Variants in TTBK2 observed in about 807,000 individuals in gnomAD.
TTBK2 encodes tau tubulin kinase 2.
In TTBK2, 28 loss-of-function variants were observed where a neutral mutation model predicts 110.8. That is an observed-to-expected ratio of 0.25 (90% CI 0.19 to 0.35). The LOEUF (loss-of-function observed/expected upper bound fraction) is 0.35, where lower values mean the gene tolerates loss of function less well. Among genes scored for constraint, TTBK2 ranks in the 10% least tolerant of loss-of-function variants. The pLI is 1.00. For synonymous variants in TTBK2, 532 were observed against 527.3 expected (o/e 1.01, Z -0.12); for missense variants, 1,369 against 1,500.3 (o/e 0.91, Z 1.45).
chr15:42,876,129 C>T (rs766031295), intron 2 of TTBK2, among the ~76,000 whole-genome samples: 1 of 152,056 alleles, frequency 6.6e-6, no homozygotes, highest in Non-Finnish European at 1.5e-5. Flanking sequence ...ATCACCCAGG[C>T]AAACTCTTCC....
At chr15:42,875,068 A>C (rs938216934) in intron 2 of TTBK2, among the ~76,000 whole-genome samples, 1 of 152,160 alleles carries the variant, frequency 6.6e-6, no homozygotes, top group Non-Finnish European at 1.5e-5. Flanking sequence ...ACTCATAAAC[A>C]GTACCAAACA....
intron 6 of TTBK2, among the ~76,000 whole-genome samples, chr15:42,824,064 CT>C: frequency 6.6e-6 from 1 of 152,196 alleles, no homozygotes; most frequent in Non-Finnish European, 1.5e-5. Context: ...AGGTGCCAGG[CT>C]CTTTTTAACA....
At chr15:42,875,345 TA>T (rs967303023) in intron 2 of TTBK2, among the ~76,000 whole-genome samples, 10 of 152,036 alleles carry the variant, frequency 6.6e-5, no homozygotes, top group African/African-American at 2.4e-4. Context: ...AGAATAGAGG[TA>T]AGGTCTGTGG....
intron 1 of TTBK2, among the ~76,000 whole-genome samples, chr15:42,913,565 G>A (rs538643501): frequency 1.3e-5 from 2 of 152,046 alleles, no homozygotes; most frequent in African/African-American, 4.8e-5. Context: ...GTGAACCCGG[G>A]AGGCAGAGCT....
rs1347555568 is a variant in TTBK2, at chr15:42,832,891, C to G, written c.292-2813G>C. On this transcript the variant is annotated intron_variant, in intron 4 of 14. Coordinates refer to ENST00000267890, the MANE Select transcript of TTBK2 (RefSeq NM_173500.4). The stretch of plus-strand genomic sequence containing the variant: ...CTTGGGGCCTTAGAAAGTATCTCCT[C>G]AGATAAGGGGGTACTATTGTAAGTA... Among the ~76,000 whole-genome samples, 4 of 152,102 alleles carry G rather than the reference C, an allele frequency of 2.6e-5. No homozygotes were observed. The East Asian group carries it at 5.8e-4, about 22-fold the overall frequency.
intron 10 of TTBK2, among the ~76,000 whole-genome samples, chr15:42,791,055 G>T (rs948959976): frequency 2.0e-5 from 3 of 151,962 alleles, no homozygotes; most frequent in East Asian, 1.9e-4. Context: ...GGCTAATTTT[G>T]TTTTTGTATT....
chr15:42,817,854 T>A (rs912503643), intron 6 of TTBK2, among the ~76,000 whole-genome samples: 2 of 152,228 alleles, frequency 1.3e-5, no homozygotes, highest in African/African-American at 2.4e-5. Flanking sequence ...GCCAGCTCCC[T>A]GAATCCCTCC....
intron 1 of TTBK2, among the ~76,000 whole-genome samples, chr15:42,882,218 A>AACAC (rs374173638): frequency 2.7e-5 from 4 of 150,924 alleles, no homozygotes; most frequent in African/African-American, 4.8e-5. Flanking sequence ...CAATAAGCAC[A>AACAC]ACACACACAC....
At chr15:42,811,556 A>G (rs1209689123) in intron 8 of TTBK2, 132 bp downstream of exon 8, 6 of 693,198 alleles carry the variant, frequency 8.7e-6, no homozygotes, top group Non-Finnish European at 1.2e-5. Context: ...AGAAAAATAC[A>G]TATATTGGGA....
chr15:42,860,640 CTTTTTTTTTTTTT>C lies in TTBK2; in HGVS notation c.217+11958_217+11970del, dbSNP rs796405914. ...TTAAACCTTAGCTGGGGTATTCTTT[CTTTTTTTTTTTTT>C]TTTTTTTTGAGATGGCATTTAGTGC... is the stretch of plus-strand genomic sequence containing the variant. On this transcript the variant is annotated intron_variant, in intron 3 of 14. Transcript: ENST00000267890. Among the ~76,000 whole-genome samples the C allele has an allele frequency of 1.9e-3, 195 of 102,114 alleles. 3 individuals are homozygous for C. Among genetic ancestry groups the C allele is most frequent in the Middle Eastern group, 0.012 (2 of 172 alleles). 67.0% of individuals were successfully genotyped at this position (102,114 alleles called of 152,430 possible).
intron 1 of TTBK2, among the ~76,000 whole-genome samples, chr15:42,896,956 G>A (rs1465127998): frequency 1.3e-5 from 2 of 149,346 alleles, no homozygotes; most frequent in Non-Finnish European, 3.0e-5. Flanking sequence ...TCATTTTACT[G>A]CAACCTCCAC....
intron 1 of TTBK2, among the ~76,000 whole-genome samples, chr15:42,906,897 C>T (rs2030431726): frequency 6.6e-6 from 1 of 151,290 alleles, no homozygotes; most frequent in Non-Finnish European, 1.5e-5. Flanking sequence ...AAAAAAAAGA[C>T]ATTCGGGCCA....
intron 6 of TTBK2, among the ~76,000 whole-genome samples, chr15:42,821,685 T>C (rs1369703941): frequency 7.1e-6 from 1 of 140,698 alleles, no homozygotes; most frequent in Non-Finnish European, 1.5e-5. Flanking sequence ...TTTTGTTTTT[T>C]GTTTTTTTTT....
At chr15:42,776,721 T>C (rs373402483) in intron 12 of TTBK2, among the ~76,000 whole-genome samples, 6 of 152,366 alleles carry the variant, frequency 3.9e-5, no homozygotes, top group African/African-American at 1.4e-4. Context: ...AAGAGATTAC[T>C]TTCTAAACAA....
chr15:42,793,158 T>C (rs1463356173), intron 10 of TTBK2, among the ~76,000 whole-genome samples: 1 of 152,160 alleles, frequency 6.6e-6, no homozygotes, highest in African/African-American at 2.4e-5. Flanking sequence ...GCATGAGAAA[T>C]ACTTGATGCA....
intron 12 of TTBK2, 110 bp from the exon 13 acceptor site, chr15:42,775,833 T>C: frequency 1.2e-6 from 1 of 834,208 alleles, no homozygotes; most frequent in Non-Finnish European, 1.8e-6. Context: ...GAAAAAAAGA[T>C]GGATAAAGCA....
At chr15:42,817,523 A>G (rs1269000549) in intron 6 of TTBK2, among the ~76,000 whole-genome samples, 1 of 152,214 alleles carries the variant, frequency 6.6e-6, no homozygotes, top group African/African-American at 2.4e-5. Flanking sequence ...AGCTCTTCAT[A>G]TCTTGGCTAT....
At chr15:42,885,295 C>A (rs1895197707) in intron 1 of TTBK2, among the ~76,000 whole-genome samples, 1 of 152,230 alleles carries the variant, frequency 6.6e-6, no homozygotes, top group South Asian at 2.1e-4. Flanking sequence ...TCAGACCAAC[C>A]AGCCCAAGGA....
intron 1 of TTBK2, among the ~76,000 whole-genome samples, chr15:42,908,432 C>T (rs1352186202): frequency 6.6e-6 from 1 of 152,194 alleles, no homozygotes; most frequent in Non-Finnish European, 1.5e-5. Flanking sequence ...GATTGTGCCA[C>T]TGCATTCCAG....
Sources: allele counts gnomAD v4.1 joint callset (sites outside exome capture counted in the v4.1 genomes callset), GRCh38; gene constraint gnomAD v4.1.1; transcripts MANE v1.5; gene names NCBI Gene and HGNC (gene_info 2026-07-23, HGNC 2026-07-21).